The following MAPK8IP2 variants were observed in gnomAD, a reference collection of about 807,000 sequenced individuals.
The protein encoded by MAPK8IP2 is mitogen-activated protein kinase 8 interacting protein 2.
A neutral mutation model predicts 75.6 loss-of-function variants in MAPK8IP2; 15 were observed. That is an observed-to-expected ratio of 0.20 (90% CI 0.13 to 0.31). The LOEUF (loss-of-function observed/expected upper bound fraction) is 0.31. Among genes scored for constraint, MAPK8IP2 ranks in the 10% least tolerant of loss-of-function variants. The pLI, the probability that MAPK8IP2 is intolerant of heterozygous loss-of-function variation, is 1.00. For synonymous variants in MAPK8IP2, 632 were observed against 554.5 expected, an observed-to-expected ratio of 1.14 and a Z score of -1.96; for missense variants, 1,089 against 1,211.2, an observed-to-expected ratio of 0.90 and a Z score of 1.50.
In MAPK8IP2 at chr22:50,612,184, A is replaced by C. The variant is rs975478495; in HGVS notation, c.*1405A>C. 3 of 152,236 alleles carry C rather than the reference A, an allele frequency of 2.0e-5. No individual in the cohort carries two copies. The highest frequency in any genetic ancestry group is 4.4e-5 in the Non-Finnish European group (3 of 68,054). 9.4% of individuals were successfully genotyped at this position (152,236 alleles called of 1,614,324 possible). On this transcript the variant is annotated 3_prime_UTR_variant, in exon 12 of 12. Transcript: ENST00000329492. Reference sequence around the variant, plus strand: ...GAGACTCCGTCTCAGAAAAAGGAAAAGAAAAACAATCTACTTAGATCTTAA... The same window carrying C: ...GAGACTCCGTCTCAGAAAAAGGAAACGAAAAACAATCTACTTAGATCTTAA...
Position 50,603,701 on chromosome 22 carries a change from GC to G in MAPK8IP2, c.527del (p.Pro176ArgfsTer57). The G allele has an allele frequency of 1.3e-6, 2 of 1,574,612 alleles. No homozygotes were observed. Among genetic ancestry groups the G allele is most frequent in the Non-Finnish European group, 1.7e-6 (2 of 1,160,230 alleles). ...SWQETALCSP[A>X]PEALRELPGP... is the part of the protein sequence containing the mutation. ...GCAGGAGACAGCGCTATGCTCACCC[GC>G]CCCGGAGGCCCTCAGAGGTGAGGGG... On this transcript the variant is annotated frameshift_variant, in exon 4 of 12. Coordinates refer to ENST00000329492, the MANE Select transcript of MAPK8IP2 (RefSeq NM_012324.6). LOFTEE classifies it high-confidence loss of function.
rs779517023 is a variant in MAPK8IP2 at position 50,604,865 on chromosome 22, G to T, written c.1566G>T (p.Glu522Asp). Residue 522 changes from glutamate (E) to aspartate (D), a missense_variant, in exon 5 of 12, where the codon GAG (glutamate) becomes GAT (aspartate). Around this residue, in one of 2 missense-constraint regions of MAPK8IP2, gnomAD observed 960 missense variants for 1,009.6 expected, o/e 0.95. Coordinates refer to ENST00000329492, the MANE Select transcript of MAPK8IP2 (RefSeq NM_012324.6). ...TLVVDEHTQL[E>D]LVSLRRCAGL... The stretch of plus-strand genomic sequence containing the variant: ...TGGTGGATGAGCACACGCAGCTGGA[G>T]CTGGTGAGCCTGCGGCGCTGTGCTG... 22 of 1,601,594 alleles carry T rather than the reference G, an allele frequency of 1.4e-5. No individual in the cohort carries two copies. Among genetic ancestry groups the T allele is most frequent in the South Asian group, 1.2e-4 (11 of 90,072 alleles).
rs112640312 is a variant in MAPK8IP2 at position 50,610,789 on chromosome 22, C to T, written c.*10C>T. 0.036 allele frequency: 57,131 copies of T among 1,598,604 alleles called. 1,201 individuals carry two copies. The highest frequency in any genetic ancestry group is 0.039 in the Non-Finnish European group (45,931 of 1,173,042). ...CATCTACCTGGAGTAGCCTGCCCAC[C>T]GCTCTGTCTCCTGGCCGTCTGCTCC... On this transcript the variant is annotated 3_prime_UTR_variant, in exon 12 of 12. Transcript: ENST00000329492. The surrounding 1 kb of genome is among the most constrained non-coding windows in gnomAD (Gnocchi z 4.3).
chr22:50,603,953 G>T lies in MAPK8IP2; in HGVS notation c.654G>T (p.Gly218=). 1 of 1,548,448 alleles carries T rather than the reference G, an allele frequency of 6.5e-7. No individual in the cohort carries two copies. Residue 218 remains glycine, a synonymous_variant, in exon 5 of 12, where the codon GGG becomes GGT. Coordinates refer to ENST00000329492, the MANE Select transcript of MAPK8IP2 (RefSeq NM_012324.6). The stretch of plus-strand genomic sequence containing the variant: ...GGCCTGCGGAACCCCCTGCGCCAGG[G>T]GGGACTTCGCCCTCCTCAGATCCCG... ...GNRPAEPPAP[G]GTSPSSDPGI... is the part of the protein sequence containing the mutation.
chr22:50,605,085 A>AG lies in MAPK8IP2; in HGVS notation c.1765+27dup, dbSNP rs201849502. On this transcript the variant is annotated intron_variant, in intron 5 of 11. Transcript: ENST00000329492. ...CTCCAGTGAGTGAGAGGTGGGGAAA[A>AG]GGGGGGTGGCCCAGAGGAAGGTGCA... 1.8e-3 allele frequency: 2,870 copies of AG among 1,611,624 alleles called. 41 individuals carry two copies. The African/African-American group carries it at 0.028, about 16-fold the overall frequency.
rs993435317 is a variant in MAPK8IP2, at chr22:50,607,720, G to A, written c.2303+729G>A. Among the ~76,000 whole-genome samples, 6 of 152,014 alleles carry A rather than the reference G, an allele frequency of 3.9e-5. No homozygotes were observed. The highest frequency in any genetic ancestry group is 1.5e-4 in the African/African-American group (6 of 41,370). The stretch of plus-strand genomic sequence containing the variant: ...CAGCCCACACACCGAGAGGGGATGC[G>A]GGATCAATCACAAACGGTGAGACTG... On this transcript the variant is annotated intron_variant, in intron 10 of 11. Coordinates refer to ENST00000329492, the MANE Select transcript of MAPK8IP2 (RefSeq NM_012324.6). The surrounding 1 kb of genome is among the most constrained non-coding windows in gnomAD (Gnocchi z 5.6).
At chr22:50,601,687 A>G (rs563700568) in intron 1 of MAPK8IP2, 102 bp from the exon 2 acceptor site, 3 of 788,774 alleles carry the variant, frequency 3.8e-6, no homozygotes, top group Non-Finnish European at 6.6e-6. Flanking sequence ...TGTGGAAACC[A>G]CTGGGTGTAG....
At position 50,606,736 on chromosome 22, in the gene MAPK8IP2, AAGCTG is replaced by A; in HGVS notation, c.2206_2210del (p.Leu736SerfsTer106). On this transcript the variant is annotated frameshift_variant, in exon 9 of 12. Transcript: ENST00000329492. LOFTEE classifies it high-confidence loss of function. ...CCTCGAGATCTCTCTTCGGGGGGTCAAGCTGAGTCTGAGCGGAGGAGGGCCCGAGG... is the reference window on the plus strand; with the variant it reads ...CCTCGAGATCTCTCTTCGGGGGGTCAAGTCTGAGCGGAGGAGGGCCCGAGG... The A allele has an allele frequency of 6.3e-7, 1 of 1,587,846 alleles. No individual in the cohort carries two copies. The highest frequency in any genetic ancestry group is 8.6e-7 in the Non-Finnish European group (1 of 1,167,296).
chr22:50,601,669 C>T, intron 1 of MAPK8IP2, 120 bp from the exon 2 acceptor site: 3 of 686,274 alleles, frequency 4.4e-6, no homozygotes, highest in Non-Finnish European at 7.8e-6. Context: ...GTTCCGAGAG[C>T]TGGGGGCTGT....
intron 10 of MAPK8IP2, among the ~76,000 whole-genome samples, chr22:50,609,314 G>A (rs909605217): frequency 6.6e-6 from 1 of 152,128 alleles, no homozygotes; most frequent in African/African-American, 2.4e-5. Context: ...CTGAACCTCT[G>A]TGCCTAGCTC....
In MAPK8IP2 at chr22:50,603,486, A is replaced by G; in HGVS notation, c.435A>G (p.Thr145=). Residue 145 remains threonine (T), a synonymous_variant, in exon 3 of 12, where the codon ACA becomes ACG. Coordinates refer to ENST00000329492, the MANE Select transcript of MAPK8IP2 (RefSeq NM_012324.6). ...GGCCCACCACCCTCCGTCTGACCAC[A>G]CTGGGGGCCCAGGTGAGTGCCCGGA... The part of the protein sequence containing the change: ...KHRPTTLRLT[T]LGAQDSLNNN... 1.9e-6 allele frequency: 3 copies of G among 1,562,214 alleles called. No homozygotes were observed. The highest frequency in any genetic ancestry group is 2.6e-6 in the Non-Finnish European group (3 of 1,150,388).
Position 50,605,634 on chromosome 22 carries a change from C to A in MAPK8IP2, c.1914C>A (p.Asp638Glu). ...CTGTGTTGGTGGAGGCCGAGGAGGA[C>A]GACTTCTGGTTCCGTGGCTTCAACA... ...DDPVLVEAEE[D>E]DFWFRGFNMR... is the part of the protein sequence containing the mutation. Residue 638 changes from aspartate (D) to glutamate (E), a missense_variant, in exon 7 of 12, where the codon GAC becomes GAA. Coordinates refer to ENST00000329492, the MANE Select transcript of MAPK8IP2 (RefSeq NM_012324.6). The A allele has an allele frequency of 6.2e-7, 1 of 1,611,792 alleles. No individual in the cohort carries two copies. The highest frequency in any genetic ancestry group is 8.5e-7 in the Non-Finnish European group (1 of 1,179,278).
At chr22:50,608,121 G>A (rs2071080139) in intron 10 of MAPK8IP2, among the ~76,000 whole-genome samples, 1 of 152,228 alleles carries the variant, frequency 6.6e-6, no homozygotes, top group Non-Finnish European at 1.5e-5. Context: ...TGCATCTTGG[G>A]GGCCTTGTGG....
intron 8 of MAPK8IP2, 54 bp from the exon 9 acceptor site, chr22:50,606,604 G>A (rs1183217612): frequency 7.8e-7 from 1 of 1,284,462 alleles, no homozygotes; most frequent in Non-Finnish European, 1.1e-6. Flanking sequence ...CAAGGGGAAA[G>A]AAAGGCCCTT....
chr22:50,608,442 G>A (rs1201733465), intron 10 of MAPK8IP2, among the ~76,000 whole-genome samples: 2 of 122,260 alleles, frequency 1.6e-5, no homozygotes, highest in South Asian at 2.7e-4. Context: ...GACAGCGAAC[G>A]GGGCGCAGAC....
chr22:50,610,156 G>T lies in MAPK8IP2; in HGVS notation c.2304-56G>T. The stretch of plus-strand genomic sequence containing the variant: ...CCTCTTCTCTCTACATCATTTGTGG[G>T]GTGGCCAAGGCTGGGCCAGGGCTCT... On this transcript the variant is annotated intron_variant, in intron 10 of 11. Transcript: ENST00000329492. This position sits in a 1 kb window ranked among gnomAD's most constrained non-coding sequence, Gnocchi z 4.3. 2 of 1,312,162 alleles carry T rather than the reference G, an allele frequency of 1.5e-6. No individual in the cohort carries two copies. Among genetic ancestry groups the T allele is most frequent in the Non-Finnish European group, 2.2e-6 (2 of 926,336 alleles). The allele number at this position is 1,312,162 out of a possible 1,614,324, so 81.3% of individuals were successfully genotyped here.
chr22:50,607,116 C>T lies in MAPK8IP2; in HGVS notation c.2303+125C>T. On this transcript the variant is annotated intron_variant, in intron 10 of 11. Transcript: ENST00000329492. This position sits in a 1 kb window ranked among gnomAD's most constrained non-coding sequence, Gnocchi z 5.6. ...CCAGCCCTGAGAGCTCCACCTGCACCCACTTAGCTCTGTGAGCTGAGCCTG... is the reference window on the plus strand; with the variant it reads ...CCAGCCCTGAGAGCTCCACCTGCACTCACTTAGCTCTGTGAGCTGAGCCTG... The T allele has an allele frequency of 1.4e-6, 1 of 738,090 alleles. No homozygotes were observed. Among genetic ancestry groups the T allele is most frequent in the Non-Finnish European group, 2.4e-6 (1 of 420,628 alleles). 45.7% of individuals were successfully genotyped at this position (738,090 alleles called of 1,614,324 possible). A position where few individuals can be genotyped will look rare whatever the true frequency, so the allele number is the denominator to read the frequency against.
Position 50,606,783 on chromosome 22 carries a change from T to A in MAPK8IP2, c.2232+18T>A. 6.4e-7 allele frequency: 1 copy of A among 1,566,012 alleles called. No homozygotes were observed. Among genetic ancestry groups the A allele is most frequent in the Non-Finnish European group, 8.7e-7 (1 of 1,151,568 alleles). On this transcript the variant is annotated intron_variant, in intron 9 of 11. Coordinates refer to ENST00000329492, the MANE Select transcript of MAPK8IP2 (RefSeq NM_012324.6). ...GGCCCGAGGTGGGAGTGTGGGGGAC[T>A]GGGGACCGGGGACTGGGGGATAGGG... is the stretch of plus-strand genomic sequence containing the variant.
At chr22:50,600,925 C>G in intron 1 of MAPK8IP2, 42 bp downstream of exon 1, 4 of 981,496 alleles carry the variant, frequency 4.1e-6, no homozygotes, top group Non-Finnish European at 5.3e-6. Flanking sequence ...CCTCCGCTCC[C>G]TGCGCACCCC....
Sources: gnomAD v4.1 joint callset for allele counts (sites outside exome capture counted in the v4.1 genomes callset) on GRCh38, gnomAD v4.1.1 for gene constraint, gnomAD v4.1.1 regional missense constraint, Gnocchi (gnomAD v3.1) non-coding constraint, MANE v1.5 for transcripts, NCBI Gene and HGNC (gene_info 2026-07-23, HGNC 2026-07-21) for gene names.